MFGE8: variants seen among roughly 807,000 people sequenced by gnomAD.
MFGE8 encodes the protein milk fat globule EGF and factor V/VIII domain containing.
Under a neutral mutation model 42.6 loss-of-function variants are expected in MFGE8, and 34 were observed. The observed-to-expected ratio is 0.80, with a 90% CI of 0.61 to 1.06. The LOEUF (loss-of-function observed/expected upper bound fraction) is 1.06, where lower values mean the gene tolerates loss of function less well. Among genes scored for constraint, MFGE8 ranks in the 50% least tolerant of loss-of-function variants. The probability of loss-of-function intolerance (pLI) is 0.00; values close to 1 mark genes in which losing one functional copy is unlikely to be tolerated. For missense variants in MFGE8, 510 were observed against 516.9 expected (o/e 0.99, Z 0.13); for synonymous variants, 230 against 214.8 (o/e 1.07, Z -0.62).
intron 1 of MFGE8, 43 bp downstream of exon 1, chr15:88,913,204 G>C: frequency 6.7e-7 from 1 of 1,484,764 alleles, no homozygotes; most frequent in Middle Eastern, 2.2e-4. Context: ...CGAGCGGCGC[G>C]GGGAGGAGGG....
chr15:88,903,356 C>T lies in MFGE8; in HGVS notation c.686-1621G>A, dbSNP rs573700212. On this transcript the variant is annotated intron_variant, in intron 5 of 7. Transcript: ENST00000268150. The surrounding 1 kb of genome is among the most constrained non-coding windows in gnomAD (Gnocchi z 4.9). ...TCCTCTCTCTGGCTCTCAGTCTCCC[C>T]ATCTATAAAATGAGATACTAGGGGA... is the stretch of plus-strand genomic sequence containing the variant. 6.6e-6 allele frequency: 1 copy of T among 151,994 alleles called. No individual in the cohort carries two copies. The highest frequency in any genetic ancestry group is 1.9e-4 in the East Asian group (1 of 5,174). The allele number at this position is 151,994 out of a possible 1,614,324, so 9.4% of individuals were successfully genotyped here. A position where few individuals can be genotyped will look rare whatever the true frequency, so the allele number is the denominator to read the frequency against.
chr15:88,905,253 G>C lies in MFGE8; in HGVS notation c.685+504C>G. 2.8e-6 allele frequency: 1 copy of C among 356,084 alleles called. No individual in the cohort carries two copies. Among genetic ancestry groups the C allele is most frequent in the Non-Finnish European group, 5.5e-6 (1 of 182,228 alleles). The allele number at this position is 356,084 out of a possible 1,614,324, so 22.1% of individuals were successfully genotyped here. ...TCGGGAGCCCAGAGATCTAGACCAA[G>C]TCTTAATACCTACCAGATGTGTACC... On this transcript the variant is annotated intron_variant, in intron 5 of 7. Transcript: ENST00000268150. The surrounding 1 kb of genome is among the most constrained non-coding windows in gnomAD (Gnocchi z 6.6).
Position 88,912,259 on chromosome 15 carries a change from G to A in MFGE8, c.73+988C>T, listed in dbSNP as rs1334388426. 4 of 1,289,552 alleles carry A rather than the reference G, an allele frequency of 3.1e-6. No individual in the cohort carries two copies. The African/African-American group carries it at 4.6e-5, about 15-fold the overall frequency. The allele number at this position is 1,289,552 out of a possible 1,614,324, so 79.9% of individuals were successfully genotyped here. A position where few individuals can be genotyped will look rare whatever the true frequency, so the allele number is the denominator to read the frequency against. On this transcript the variant is annotated intron_variant, in intron 1 of 7. Coordinates refer to ENST00000268150, the MANE Select transcript of MFGE8 (RefSeq NM_005928.4). ...ACATTTGGCCAGAGTTCAGGTTGGG[G>A]GGTACAGGGAAGAGTAGAAAGGGGC...
At chr15:88,910,041 C>G in intron 1 of MFGE8, 118 bp from the exon 2 acceptor site, 4 of 1,284,994 alleles carry the variant, frequency 3.1e-6, no homozygotes, top group Admixed American at 1.7e-5. Context: ...CCCATTATCT[C>G]TTCCTCTCCC....
At position 88,899,949 on chromosome 15, in the gene MFGE8, G is replaced by A. The variant is rs1258374195; in HGVS notation, c.871-138C>T. On this transcript the variant is annotated intron_variant, in intron 6 of 7. Transcript: ENST00000268150. This position sits in a 1 kb window ranked among gnomAD's most constrained non-coding sequence, Gnocchi z 6.8. ...CCTCAGTTTCTTTGGCTATAAAATG[G>A]GCATAAGGCCGGACATGGTGTCTCA... The A allele has an allele frequency of 2.9e-6, 3 of 1,022,718 alleles. No individual in the cohort carries two copies. The highest frequency in any genetic ancestry group is 3.2e-5 in the African/African-American group (2 of 62,822). The allele number at this position is 1,022,718 out of a possible 1,614,324, so 63.4% of individuals were successfully genotyped here.
rs774878584 is a variant in MFGE8 at position 88,905,450 on chromosome 15, CT to C, written c.685+306del. ...TAAAGCTGACATCTGCCAAACACAC[CT>C]AACGCTACATGTTCTAGAAGCTACA... is the stretch of plus-strand genomic sequence containing the variant. On this transcript the variant is annotated intron_variant, in intron 5 of 7. Transcript: ENST00000268150. The surrounding 1 kb of genome is among the most constrained non-coding windows in gnomAD (Gnocchi z 6.6). 8.9e-6 allele frequency: 5 copies of C among 562,094 alleles called. No individual in the cohort carries two copies. The highest frequency in any genetic ancestry group is 6.1e-5 in the South Asian group (4 of 65,290). 34.8% of individuals were successfully genotyped at this position (562,094 alleles called of 1,614,324 possible).
In MFGE8 at chr15:88,906,902, G is replaced by A. The variant is rs1898708261; in HGVS notation, c.388-124C>T. 1.5e-5 allele frequency: 19 copies of A among 1,251,564 alleles called. No individual in the cohort carries two copies. The South Asian group carries it at 2.4e-4, about 16-fold the overall frequency. The allele number at this position is 1,251,564 out of a possible 1,614,324, so 77.5% of individuals were successfully genotyped here. A position where few individuals can be genotyped will look rare whatever the true frequency, so the allele number is the denominator to read the frequency against. ...AACAACTCAAGCAAAACAGAGGAGG[G>A]GTAGCTGAGCACACTGCCCGCACAA... On this transcript the variant is annotated intron_variant, in intron 3 of 7. Transcript: ENST00000268150. The surrounding 1 kb of genome is among the most constrained non-coding windows in gnomAD (Gnocchi z 4.2).
chr15:88,905,998 G>C lies in MFGE8; in HGVS notation c.541-97C>G. 1 of 1,462,130 alleles carries C rather than the reference G, an allele frequency of 6.8e-7. No homozygotes were observed. The highest frequency in any genetic ancestry group is 1.1e-5 in the South Asian group (1 of 87,056). 90.6% of individuals were successfully genotyped at this position (1,462,130 alleles called of 1,614,324 possible). ...TTCCTCTTCAGACCTGGGAGGCAGAGGTGGGGCTGGGAGGGTGAAGAGGAC... is the reference window on the plus strand; with the variant it reads ...TTCCTCTTCAGACCTGGGAGGCAGACGTGGGGCTGGGAGGGTGAAGAGGAC... On this transcript the variant is annotated intron_variant, in intron 4 of 7. Transcript: ENST00000268150. This position sits in a 1 kb window ranked among gnomAD's most constrained non-coding sequence, Gnocchi z 6.6.
At chr15:88,909,416 C>G (rs939811947) in intron 2 of MFGE8, among the ~76,000 whole-genome samples, 1 of 152,206 alleles carries the variant, frequency 6.6e-6, no homozygotes, top group Non-Finnish European at 1.5e-5. Context: ...GTTTGTTTTC[C>G]CCTCTTAGGT....
chr15:88,908,416 C>T (rs1039043086), intron 2 of MFGE8, among the ~76,000 whole-genome samples: 5 of 152,198 alleles, frequency 3.3e-5, no homozygotes, highest in Admixed American at 6.5e-5. Flanking sequence ...TACCCCACCA[C>T]GCTCACACCC....
chr15:88,911,389 C>G (rs1332206447), intron 1 of MFGE8, among the ~76,000 whole-genome samples: 1 of 152,120 alleles, frequency 6.6e-6, no homozygotes, highest in African/African-American at 2.4e-5. Flanking sequence ...TGCCCCAGAC[C>G]CTACACCCAA....
At chr15:88,912,929 C>G in intron 1 of MFGE8, 1 of 985,312 alleles carries the variant, frequency 1.0e-6, no homozygotes, top group Non-Finnish European at 1.2e-6. Flanking sequence ...AGTTCCCTGG[C>G]CTCATTTTTC....
In MFGE8 at chr15:88,906,846, C is replaced by A. The variant is rs1898705114; in HGVS notation, c.388-68G>T. ...TCTTTCCACTCAAGATCCAAGCAGACCCATCCCTTCACTCCCCCACTGGGT... is the reference window on the plus strand; with the variant it reads ...TCTTTCCACTCAAGATCCAAGCAGAACCATCCCTTCACTCCCCCACTGGGT... On this transcript the variant is annotated intron_variant, in intron 3 of 7. Transcript: ENST00000268150. The surrounding 1 kb of genome is among the most constrained non-coding windows in gnomAD (Gnocchi z 4.2). 18 of 1,593,754 alleles carry A rather than the reference C, an allele frequency of 1.1e-5. No individual in the cohort carries two copies. The highest frequency in any genetic ancestry group is 1.5e-5 in the Non-Finnish European group (18 of 1,164,298).
chr15:88,913,177 G>A, intron 1 of MFGE8, 70 bp downstream of exon 1: 2 of 1,471,432 alleles, frequency 1.4e-6, no homozygotes, highest in Admixed American at 2.3e-5. Flanking sequence ...GTGGAGGGCG[G>A]GCGCCGGGCA....
In MFGE8 at chr15:88,902,628, T is replaced by C. The variant is rs1449086641; in HGVS notation, c.686-893A>G. 6.6e-6 allele frequency: 1 copy of C among 152,334 alleles called. No individual in the cohort carries two copies. The highest frequency in any genetic ancestry group is 1.5e-5 in the Non-Finnish European group (1 of 68,114). The allele number at this position is 152,334 out of a possible 1,614,324, so 9.4% of individuals were successfully genotyped here. Reference sequence around the variant, plus strand: ...AGGGCTGGCCCGGGAAGCTGGCCTTTGTTTCACTCAGCCCTGCCCCAAACA... The same window carrying C: ...AGGGCTGGCCCGGGAAGCTGGCCTTCGTTTCACTCAGCCCTGCCCCAAACA... On this transcript the variant is annotated intron_variant, in intron 5 of 7. Coordinates refer to ENST00000268150, the MANE Select transcript of MFGE8 (RefSeq NM_005928.4). The surrounding 1 kb of genome is among the most constrained non-coding windows in gnomAD (Gnocchi z 4.3).
rs1222588971 is a variant in MFGE8, at chr15:88,902,923, G to A, written c.686-1188C>T. On this transcript the variant is annotated intron_variant, in intron 5 of 7. Coordinates refer to ENST00000268150, the MANE Select transcript of MFGE8 (RefSeq NM_005928.4). This position sits in a 1 kb window ranked among gnomAD's most constrained non-coding sequence, Gnocchi z 4.3. The stretch of plus-strand genomic sequence containing the variant: ...CACCACTCAAGAGTACTGGGAGCCA[G>A]CTAAGTTATATCACTGCCCACCTGT... 6.6e-6 allele frequency: 1 copy of A among 152,218 alleles called. No individual in the cohort carries two copies. The highest frequency in any genetic ancestry group is 1.9e-4 in the East Asian group (1 of 5,192). 9.4% of individuals were successfully genotyped at this position (152,218 alleles called of 1,614,324 possible).
chr15:88,909,764 C>T (rs1898867942), intron 2 of MFGE8, 28 bp downstream of exon 2: 1 of 1,613,390 alleles, frequency 6.2e-7, no homozygotes, highest in Non-Finnish European at 8.5e-7. Context: ...CTGCTAGAAA[C>T]AGGCAACAAG....
Position 88,899,080 on chromosome 15 carries a change from C to T in MFGE8, c.*315G>A, listed in dbSNP as rs1898238245. The T allele has an allele frequency of 2.2e-6, 1 of 448,654 alleles. No homozygotes were observed. Among genetic ancestry groups the T allele is most frequent in the Admixed American group, 3.4e-5 (1 of 29,136 alleles). 27.8% of individuals were successfully genotyped at this position (448,654 alleles called of 1,614,324 possible). On this transcript the variant is annotated 3_prime_UTR_variant, in exon 8 of 8. Coordinates refer to ENST00000268150, the MANE Select transcript of MFGE8 (RefSeq NM_005928.4). The surrounding 1 kb of genome is among the most constrained non-coding windows in gnomAD (Gnocchi z 6.8). Reference sequence around the variant, plus strand: ...GACACACGCACCTGGGATCGGCGGTCCGGACAGGGGCAGGGAAACCACACG... The same window carrying T: ...GACACACGCACCTGGGATCGGCGGTTCGGACAGGGGCAGGGAAACCACACG...
chr15:88,905,851 C>T lies in MFGE8; in HGVS notation c.591G>A (p.Glu197=). 1 of 1,614,226 alleles carries T rather than the reference C, an allele frequency of 6.2e-7. No individual in the cohort carries two copies. Among genetic ancestry groups the T allele is most frequent in the Non-Finnish European group, 8.5e-7 (1 of 1,180,040 alleles). ...NKNAVHVNLF[E]TPVEAQYVRL... The stretch of plus-strand genomic sequence containing the variant: ...TCACGTACTGAGCCTCCACAGGGGT[C>T]TCAAACAGGTTGACATGCACCGCGT... Residue 197 remains glutamate (E), a synonymous_variant, in exon 5 of 8, where the codon GAG becomes GAA. Coordinates refer to ENST00000268150, the MANE Select transcript of MFGE8 (RefSeq NM_005928.4). This position sits in a 1 kb window ranked among gnomAD's most constrained non-coding sequence, Gnocchi z 6.6.
Sources: gnomAD v4.1 joint callset for allele counts (sites outside exome capture counted in the v4.1 genomes callset) on GRCh38, gnomAD v4.1.1 for gene constraint, Gnocchi (gnomAD v3.1) non-coding constraint, MANE v1.5 for transcripts, NCBI Gene and HGNC (gene_info 2026-07-23, HGNC 2026-07-21) for gene names.